ZBTB17: variants seen among roughly 807,000 people sequenced by gnomAD.
The protein encoded by ZBTB17 is zinc finger and BTB domain-containing protein 17.
In ZBTB17, 24 loss-of-function variants were observed where a neutral mutation model predicts 85.1. That is an observed-to-expected ratio of 0.28 (90% CI 0.20 to 0.40). ZBTB17 has a LOEUF of 0.40. Ranked by LOEUF, ZBTB17 falls within the 10% of genes least tolerant of loss-of-function variation. The pLI, the probability that ZBTB17 is intolerant of heterozygous loss-of-function variation, is 1.00. For missense variants in ZBTB17, 743 were observed against 1,105.1 expected (o/e 0.67, Z 4.65); for synonymous variants, 464 against 460.2 (o/e 1.01, Z -0.11).
rs148819837 is a variant in ZBTB17, at chr1:15,942,552, G to T, written c.2015C>A (p.Ala672Glu). ...MVTLATEALAATAVTQLTVVP... is the reference protein window; with the variant it reads ...MVTLATEALAETAVTQLTVVP... ...ACCTGTGAGCTGAGTGACGGCTGTC[G>T]CTGCCAGTGCCTCGGTAGCCAGCGT... Residue 672 changes from alanine to glutamate, a missense_variant, in exon 14 of 16, where the codon GCG becomes GAG. Transcript: ENST00000375743. 18 of 1,611,088 alleles carry T rather than the reference G, an allele frequency of 1.1e-5. No individual in the cohort carries two copies. The highest frequency in any genetic ancestry group is 1.5e-5 in the Non-Finnish European group (18 of 1,179,976).
chr1:15,967,497 G>A (rs2072486498), intron 2 of ZBTB17, among the ~76,000 whole-genome samples: 1 of 151,820 alleles, frequency 6.6e-6, no homozygotes, highest in Non-Finnish European at 1.5e-5. Context: ...TGGGCAACAC[G>A]GCGAGATTCT....
At chr1:15,962,656 T>C (rs1048321708) in intron 2 of ZBTB17, among the ~76,000 whole-genome samples, 3 of 152,334 alleles carry the variant, frequency 2.0e-5, no homozygotes, top group African/African-American at 7.2e-5. Flanking sequence ...ACAAAACTTC[T>C]GTGGACAAAC....
intron 2 of ZBTB17, among the ~76,000 whole-genome samples, 154 bp from the exon 3 acceptor site, chr1:15,948,651 TACC>T (rs1398979837): frequency 1.3e-5 from 2 of 152,224 alleles, no homozygotes; most frequent in Admixed American, 1.3e-4. Flanking sequence ...TCAGTCCAGA[TACC>T]CCCTGCAAGC....
intron 2 of ZBTB17, among the ~76,000 whole-genome samples, chr1:15,971,435 ACAC>A (rs2072659655): frequency 9.2e-6 from 1 of 109,034 alleles, no homozygotes; most frequent in African/African-American, 3.4e-5. Context: ...ATATACACAC[ACAC>A]TATATATATA....
chr1:15,965,186 A>C (rs1319939267), intron 2 of ZBTB17, among the ~76,000 whole-genome samples: 1 of 152,184 alleles, frequency 6.6e-6, no homozygotes, highest in Non-Finnish European at 1.5e-5. Flanking sequence ...GACAAGCCAC[A>C]AACTGGAAGT....
intron 2 of ZBTB17, among the ~76,000 whole-genome samples, chr1:15,971,455 C>T (rs61783963): frequency 1.5e-5 from 2 of 130,044 alleles, no homozygotes; most frequent in Non-Finnish European, 3.4e-5. Context: ...TATACACACA[C>T]ACTATATATA....
rs1425588068 is a variant in ZBTB17, at chr1:15,946,145, C to T, written c.535+9G>A. 5.0e-6 allele frequency: 8 copies of T among 1,604,642 alleles called. No individual in the cohort carries two copies. Among genetic ancestry groups the T allele is most frequent in the Non-Finnish European group, 6.8e-6 (8 of 1,179,910 alleles). On this transcript the variant is annotated intron_variant, in intron 5 of 15. Transcript: ENST00000375743. ...GGACAGCCGGCTGGGTCCTTGGCAT[C>T]TGACTCACCGCTGGCCGCACTCTGG... is the stretch of plus-strand genomic sequence containing the variant.
intron 2 of ZBTB17, among the ~76,000 whole-genome samples, chr1:15,965,087 C>T (rs1366843819): frequency 4.7e-5 from 7 of 147,944 alleles, no homozygotes; most frequent in Admixed American, 2.0e-4. Flanking sequence ...GCACTCCAGC[C>T]GGGGCAACAG....
rs1468022509 is a variant in ZBTB17, at chr1:15,945,030, C to T, written c.834G>A (p.Gln278=). Residue 278 remains glutamine, a synonymous_variant, in exon 7 of 16, where the codon CAG becomes CAA. Coordinates refer to ENST00000375743, the MANE Select transcript of ZBTB17 (RefSeq NM_003443.3). ...GGCCCCGGGCCTCGGAGCCGAGCTC[C>T]TGCCCCGAGTCTGTGCCCGCTGACT... is the stretch of plus-strand genomic sequence containing the variant. The part of the protein sequence containing the change: ...NEESAGTDSG[Q]ELGSEARGLR... The T allele has an allele frequency of 5.0e-6, 8 of 1,606,968 alleles. No individual in the cohort carries two copies. The highest frequency in any genetic ancestry group is 1.3e-5 in the African/African-American group (1 of 74,846).
intron 2 of ZBTB17, among the ~76,000 whole-genome samples, chr1:15,955,100 G>A (rs1411077825): frequency 6.6e-6 from 1 of 152,180 alleles, no homozygotes; most frequent in South Asian, 2.1e-4. Context: ...GTAACAGTGA[G>A]CCAAGATCAC....
In ZBTB17 at chr1:15,946,264, A is replaced by C; in HGVS notation, c.425T>G (p.Val142Gly). 6.2e-7 allele frequency: 1 copy of C among 1,613,804 alleles called. No individual in the cohort carries two copies. Among genetic ancestry groups the C allele is most frequent in the Non-Finnish European group, 8.5e-7 (1 of 1,179,880 alleles). The change falls in exon 5 of 16, where the codon GTG (valine) becomes GGG (glycine). Residue 142 changes from valine (V) to glycine (G), a missense_variant. Val to Gly is a moderately radical substitution (Grantham distance 109). Around this residue, in one of 4 missense-constraint regions of ZBTB17, gnomAD observed 279 missense variants for 269.9 expected, o/e 1.03. Transcript: ENST00000375743. ...CAGCCTGCTCAGCGTGCTGGTGGCC[A>C]CCTTCTCCTCTTTGGCTCTCTTGTC... is the stretch of plus-strand genomic sequence containing the variant. ...GGDKRAKEEK[V>G]ATSTLSRLEQ... is the part of the protein sequence containing the mutation.
Position 15,942,181 on chromosome 1 carries a change from G to A in ZBTB17, c.2200C>T (p.Gln734Ter). 1 of 1,613,784 alleles carries A rather than the reference G, an allele frequency of 6.2e-7. No individual in the cohort carries two copies. Among genetic ancestry groups the A allele is most frequent in the Non-Finnish European group, 8.5e-7 (1 of 1,180,038 alleles). The change falls in exon 16 of 16, where the codon CAG (glutamine) becomes TAG (stop). Residue 734 changes from glutamine to a stop codon, truncating the protein, a stop_gained. Transcript: ENST00000375743. LOFTEE classifies it high-confidence loss of function. ...TGGGCTGTGTGGATTCGCACATGCT[G>A]AGCCAGGCTGTTGGCATCCAGAAAC... ...DKFLDANSLA[Q>*]HVRIHTAQAL...
chr1:15,942,069 GCCTGCAGCA>G lies in ZBTB17; in HGVS notation c.2303_2311del (p.Val768_Gln770del), dbSNP rs1426393004. The G allele has an allele frequency of 6.2e-7, 1 of 1,612,844 alleles. No individual in the cohort carries two copies. Among genetic ancestry groups the G allele is most frequent in the African/African-American group, 1.3e-5 (1 of 74,954 alleles). On this transcript the variant is annotated inframe_deletion, in exon 16 of 16. Transcript: ENST00000375743. ...GCGAGGGCGGAAGACCAGCTCCCCA[GCCTGCAGCA>G]CCTGCCCGGCAGGCCACGTGCCACC...
Position 15,945,116 on chromosome 1 carries a change from C to T in ZBTB17, c.748G>A (p.Val250Ile), listed in dbSNP as rs775743394. The T allele has an allele frequency of 5.5e-5, 89 of 1,607,346 alleles. No individual in the cohort carries two copies. The highest frequency in any genetic ancestry group is 7.4e-5 in the Non-Finnish European group (87 of 1,177,266). The change falls in exon 7 of 16, where the codon GTC becomes ATC. Residue 250 changes from valine (V) to isoleucine (I), a missense_variant. Physicochemically the swap from Val to Ile is conservative, Grantham distance 29. Coordinates refer to ENST00000375743, the MANE Select transcript of ZBTB17 (RefSeq NM_003443.3). ...QEEEGAGPAE[V>I]KEEGSQLENG... ...TCCAGCTGGGAACCCTCCTCCTTGACCTCAGCTGGCCCTGCGCCCTCCTCC... is the reference window on the plus strand; with the variant it reads ...TCCAGCTGGGAACCCTCCTCCTTGATCTCAGCTGGCCCTGCGCCCTCCTCC...
intron 2 of ZBTB17, among the ~76,000 whole-genome samples, chr1:15,970,392 C>A (rs1016278650): frequency 6.6e-6 from 1 of 151,150 alleles, no homozygotes; most frequent in Non-Finnish European, 1.5e-5. Flanking sequence ...AAAGGAAGAG[C>A]CTTTTTGTTT....
Position 15,943,346 on chromosome 1 carries a change from A to G in ZBTB17, c.1697+53T>C, listed in dbSNP as rs534915129. ...AGCCAAGCCCCCAGTTTGTCTTCTGAGCCCCCTCACTGTGGGGTGTCTGGC... is the reference window on the plus strand; with the variant it reads ...AGCCAAGCCCCCAGTTTGTCTTCTGGGCCCCCTCACTGTGGGGTGTCTGGC... On this transcript the variant is annotated intron_variant, in intron 12 of 15. Transcript: ENST00000375743. 28 of 1,580,826 alleles carry G rather than the reference A, an allele frequency of 1.8e-5. No individual in the cohort carries two copies. In the South Asian group the frequency reaches 3.2e-4, roughly 18 times the overall value.
chr1:15,960,995 T>A lies in ZBTB17; in HGVS notation c.-3+12044A>T, dbSNP rs188277850. On this transcript the variant is annotated intron_variant, in intron 2 of 15. Transcript: ENST00000375743. ...CAGGCGTGCTGGTGCATGCCTGTGG[T>A]CCCAGCTACTTGGGAGGCAGAGGCG... Among the ~76,000 whole-genome samples, 33 of 152,134 alleles carry A rather than the reference T, an allele frequency of 2.2e-4. No individual in the cohort carries two copies. In the East Asian group the frequency reaches 6.4e-3, roughly 29 times the overall value.
At position 15,966,151 on chromosome 1, in the gene ZBTB17, G is replaced by T. The variant is rs559516854; in HGVS notation, c.-3+6888C>A. Among the ~76,000 whole-genome samples the T allele has an allele frequency of 6.6e-6, 1 of 152,190 alleles. No individual in the cohort carries two copies. The highest frequency in any genetic ancestry group is 2.4e-5 in the African/African-American group (1 of 41,450). ...CTGCTGACTGAGTCACAGTAACGGG[G>T]GAAAATCCCTGAGGGGCCCACATGG... On this transcript the variant is annotated intron_variant, in intron 2 of 15. Transcript: ENST00000375743. This position sits in a 1 kb window ranked among gnomAD's most constrained non-coding sequence, Gnocchi z 4.1.
chr1:15,969,978 G>T (rs904684776), intron 2 of ZBTB17: 5 of 844,942 alleles, frequency 5.9e-6, no homozygotes, highest in Non-Finnish European at 9.5e-6. Context: ...CACTGGGGAA[G>T]AGAAGCTACA....
Sources: gnomAD v4.1 joint callset for allele counts (sites outside exome capture counted in the v4.1 genomes callset) on GRCh38, gnomAD v4.1.1 for gene constraint, gnomAD v4.1.1 regional missense constraint, Gnocchi (gnomAD v3.1) non-coding constraint, MANE v1.5 for transcripts, NCBI Gene and HGNC (gene_info 2026-07-23, HGNC 2026-07-21) for gene names.